MVB12B: variants seen among roughly 807,000 people sequenced by gnomAD.
The protein encoded by MVB12B is multivesicular body subunit 12B, also known as ESCRT-I complex subunit MVB12B.
In MVB12B, 16 loss-of-function variants were observed where a neutral mutation model predicts 41.6. That is an observed-to-expected ratio of 0.38 (90% CI 0.26 to 0.58). The LOEUF (loss-of-function observed/expected upper bound fraction) is 0.58. Ranked by LOEUF, MVB12B falls within the 20% of genes least tolerant of loss-of-function variation. The probability of loss-of-function intolerance (pLI) is 0.62; values close to 1 mark genes in which losing one functional copy is unlikely to be tolerated. For missense variants in MVB12B, 274 were observed against 380.2 expected (o/e 0.72, Z 2.32); for synonymous variants, 133 against 139.7 (o/e 0.95, Z 0.34).
Position 126,333,332 on chromosome 9 carries a change from G to T in MVB12B, c.81+6322G>T, listed in dbSNP as rs182250952. Among the ~76,000 whole-genome samples the T allele has an allele frequency of 6.6e-6, 1 of 151,760 alleles. No individual in the cohort carries two copies. The highest frequency in any genetic ancestry group is 1.5e-5 in the Non-Finnish European group (1 of 67,934). ...GAACTCCTGACCTTGTGATCTGTCC[G>T]CCTCGGACTCCCAAGGTGCTGGGAT... On this transcript the variant is annotated intron_variant, in intron 1 of 9. Coordinates refer to ENST00000361171, the MANE Select transcript of MVB12B (RefSeq NM_033446.3). The surrounding 1 kb of genome is among the most constrained non-coding windows in gnomAD (Gnocchi z 4.7).
Position 126,425,154 on chromosome 9 carries a change from T to A in MVB12B, c.757+3206T>A, listed in dbSNP as rs1402079408. 2.0e-5 allele frequency among the ~76,000 whole-genome samples: 3 copies of A among 152,174 alleles called. No homozygotes were observed. In the East Asian group the frequency reaches 5.8e-4, roughly 29 times the overall value. ...TGGGAGTGGTGGTGCATGCCTGTAG[T>A]CCCAACTGCTCGGGAGACTGAGGAG... On this transcript the variant is annotated intron_variant, in intron 7 of 9. Transcript: ENST00000361171.
At chr9:126,455,087 C>T (rs189273753) in intron 7 of MVB12B, among the ~76,000 whole-genome samples, 115 of 152,308 alleles carry the variant, frequency 7.6e-4, no homozygotes, top group African/African-American at 2.3e-3. Flanking sequence ...TAAAGGTGAG[C>T]GGGCTTCAGC....
Position 126,370,083 on chromosome 9 carries a change from G to A in MVB12B, c.205-10981G>A, listed in dbSNP as rs553785222. Reference sequence around the variant, plus strand: ...CTATAACTTAGTTATTCATTCTTCTGTTGGTGAGGATTTGGGTCATTTTCA... The same window carrying A: ...CTATAACTTAGTTATTCATTCTTCTATTGGTGAGGATTTGGGTCATTTTCA... On this transcript the variant is annotated intron_variant, in intron 2 of 9. Transcript: ENST00000361171. Among the ~76,000 whole-genome samples the A allele has an allele frequency of 3.9e-5, 6 of 152,238 alleles. No homozygotes were observed. The East Asian group carries it at 1.2e-3, about 29-fold the overall frequency.
intron 6 of MVB12B, among the ~76,000 whole-genome samples, chr9:126,416,414 C>T (rs1831827471): frequency 6.6e-6 from 1 of 152,214 alleles, no homozygotes; most frequent in Non-Finnish European, 1.5e-5. Flanking sequence ...ACCACTACAA[C>T]TGGTTTGCCT....
chr9:126,399,185 C>T (rs756727629), intron 6 of MVB12B, among the ~76,000 whole-genome samples: 1 of 152,228 alleles, frequency 6.6e-6, no homozygotes, highest in Non-Finnish European at 1.5e-5. Context: ...GGTAGCTTGG[C>T]AGAGCTCCTC....
chr9:126,371,402 C>T (rs887956443), intron 2 of MVB12B, among the ~76,000 whole-genome samples: 4 of 152,378 alleles, frequency 2.6e-5, no homozygotes, highest in East Asian at 1.9e-4. Context: ...GGGCCCCCCA[C>T]GGAACTGTCT....
intron 1 of MVB12B, among the ~76,000 whole-genome samples, chr9:126,328,647 A>T (rs1829047059): frequency 6.6e-6 from 1 of 152,262 alleles, no homozygotes; most frequent in South Asian, 2.1e-4. Flanking sequence ...ATTTTGCAAG[A>T]AAAGTCTAGC....
At chr9:126,347,061 T>G (rs1829611543) in intron 2 of MVB12B, among the ~76,000 whole-genome samples, 1 of 152,130 alleles carries the variant, frequency 6.6e-6, no homozygotes, top group African/African-American at 2.4e-5. Flanking sequence ...ATGCCATGAC[T>G]CCCTTTGTTA....
intron 9 of MVB12B, among the ~76,000 whole-genome samples, chr9:126,495,191 CAA>C (rs5900709): frequency 0.011 from 1,506 of 131,882 alleles, 13 homozygotes; most frequent in Non-Finnish European, 0.017. Context: ...GATCCTGTCT[CAA>C]AAAAAAAAAA....
chr9:126,383,414 A>G (rs926212034), intron 3 of MVB12B, among the ~76,000 whole-genome samples: 1 of 152,208 alleles, frequency 6.6e-6, no homozygotes, highest in African/African-American at 2.4e-5. Context: ...CATGCCCTGT[A>G]CTTTCTGCAT....
Position 126,409,725 on chromosome 9 carries a change from C to G in MVB12B, c.663-12129C>G, listed in dbSNP as rs530724661. On this transcript the variant is annotated intron_variant, in intron 6 of 9. Coordinates refer to ENST00000361171, the MANE Select transcript of MVB12B (RefSeq NM_033446.3). Reference sequence around the variant, plus strand: ...GGCAACCTCCCCTGCGGAGCTGGGACTAGAATGGCTGTGTTCACAGGTGAG... The same window carrying G: ...GGCAACCTCCCCTGCGGAGCTGGGAGTAGAATGGCTGTGTTCACAGGTGAG... Among the ~76,000 whole-genome samples, 34 of 152,340 alleles carry G rather than the reference C, an allele frequency of 2.2e-4. 1 individual carries two copies. Among genetic ancestry groups the G allele is most frequent in the Admixed American group, 9.8e-4 (15 of 15,306 alleles).
intron 3 of MVB12B, among the ~76,000 whole-genome samples, chr9:126,383,573 C>T (rs1588126962): frequency 6.6e-6 from 1 of 152,030 alleles, no homozygotes; most frequent in African/African-American, 2.4e-5. Context: ...ATACTGGCTA[C>T]CAGAGACAAT....
In MVB12B at chr9:126,392,276, A is replaced by G. The variant is rs560077380; in HGVS notation, c.539+81A>G. On this transcript the variant is annotated intron_variant, in intron 5 of 9. Coordinates refer to ENST00000361171, the MANE Select transcript of MVB12B (RefSeq NM_033446.3). The surrounding 1 kb of genome is among the most constrained non-coding windows in gnomAD (Gnocchi z 4.8). ...CACTCCAGGCAATGAGGTCCAAGAG[A>G]TTTCCATGCAGCCCCCCAGGCTCTC... is the stretch of plus-strand genomic sequence containing the variant. 1 of 1,521,678 alleles carries G rather than the reference A, an allele frequency of 6.6e-7. No homozygotes were observed. Among genetic ancestry groups the G allele is most frequent in the South Asian group, 1.2e-5 (1 of 85,410 alleles). 94.3% of individuals were successfully genotyped at this position (1,521,678 alleles called of 1,614,324 possible).
intron 9 of MVB12B, among the ~76,000 whole-genome samples, chr9:126,494,066 T>C (rs536413112): frequency 6.6e-6 from 1 of 152,342 alleles, no homozygotes; most frequent in Admixed American, 6.5e-5. Flanking sequence ...CCCATAGTGC[T>C]GCGTTTTGAC....
chr9:126,490,992 C>T (rs1833719486), intron 9 of MVB12B, among the ~76,000 whole-genome samples: 1 of 152,174 alleles, frequency 6.6e-6, no homozygotes, highest in African/African-American at 2.4e-5. Context: ...ATTATAATTG[C>T]TCTTAGCCAC....
intron 2 of MVB12B, among the ~76,000 whole-genome samples, chr9:126,380,590 T>G (rs1161862236): frequency 1.3e-5 from 2 of 152,116 alleles, no homozygotes; most frequent in African/African-American, 4.8e-5. Flanking sequence ...TGCCCCAGCC[T>G]CCAGTAGAAT....
At chr9:126,476,692 C>T (rs574474711) in intron 7 of MVB12B, among the ~76,000 whole-genome samples, 27 of 151,924 alleles carry the variant, frequency 1.8e-4, no homozygotes, top group South Asian at 1.0e-3. Context: ...CTGGCTAACA[C>T]GGTGAAACCC....
In MVB12B at chr9:126,334,878, A is replaced by G. The variant is rs536542798; in HGVS notation, c.82-5630A>G. On this transcript the variant is annotated intron_variant, in intron 1 of 9. Transcript: ENST00000361171. ...TGCTGTAGAACTTGATCCTGAATTT[A>G]TTTTTGGAAAGTGAATCCTGGAACC... 3.5e-3 allele frequency among the ~76,000 whole-genome samples: 537 copies of G among 152,260 alleles called. 1 individual carries two copies. The highest frequency in any genetic ancestry group is 4.9e-3 in the Non-Finnish European group (333 of 68,010).
At chr9:126,387,604 T>C (rs111810076) in intron 4 of MVB12B, among the ~76,000 whole-genome samples, 1 of 152,382 alleles carries the variant, frequency 6.6e-6, no homozygotes, top group African/African-American at 2.4e-5. Context: ...TTGTATAGCA[T>C]ATTTTTATTT....
Sources: allele counts gnomAD v4.1 joint callset (sites outside exome capture counted in the v4.1 genomes callset), GRCh38; gene constraint gnomAD v4.1.1; non-coding constraint Gnocchi (gnomAD v3.1); transcripts MANE v1.5; gene names NCBI Gene and HGNC (gene_info 2026-07-23, HGNC 2026-07-21).